PPP3CA: variants seen among roughly 807,000 people sequenced by gnomAD.
PPP3CA encodes CAM-PRP catalytic subunit.
Under a neutral mutation model 66.5 loss-of-function variants are expected in PPP3CA, and 14 were observed. The ratio of observed to expected loss-of-function variants is 0.21; its 90% CI spans 0.14 to 0.33. The LOEUF is 0.33. Ranked by LOEUF, PPP3CA falls within the 10% of genes least tolerant of loss-of-function variation. The pLI, the probability that PPP3CA is intolerant of heterozygous loss-of-function variation, is 1.00. For missense variants in PPP3CA, 317 were observed against 639.5 expected (o/e 0.50, Z 5.44); for synonymous variants, 232 against 226.2 (o/e 1.03, Z -0.23).
rs1385785076 is a variant in PPP3CA at position 101,346,815 on chromosome 4, A to T, written c.-19T>A. 1 of 1,608,242 alleles carries T rather than the reference A, an allele frequency of 6.2e-7. No individual in the cohort carries two copies. Among genetic ancestry groups the T allele is most frequent in the Non-Finnish European group, 8.5e-7 (1 of 1,177,914 alleles). Reference sequence around the variant, plus strand: ...CGGACATCTCCAGCTGCCGGAGGACAGCGACGCGCTGCTCGTCCGTCCGAC... The same window carrying T: ...CGGACATCTCCAGCTGCCGGAGGACTGCGACGCGCTGCTCGTCCGTCCGAC... On this transcript the variant is annotated 5_prime_UTR_variant, in exon 1 of 14. Transcript: ENST00000394854.
At chr4:101,292,542 G>C (rs987748364) in intron 1 of PPP3CA, among the ~76,000 whole-genome samples, 1 of 152,132 alleles carries the variant, frequency 6.6e-6, no homozygotes, top group African/African-American at 2.4e-5. Flanking sequence ...TAGGATCCAA[G>C]GAAATAATTA....
intron 1 of PPP3CA, among the ~76,000 whole-genome samples, chr4:101,218,074 T>C (rs1431054764): frequency 1.3e-5 from 2 of 152,052 alleles, no homozygotes; most frequent in African/African-American, 2.4e-5. Flanking sequence ...ACTACCTGTC[T>C]TGGAAGAGCC....
At chr4:101,289,069 C>T (rs536809297) in intron 1 of PPP3CA, among the ~76,000 whole-genome samples, 104 of 152,244 alleles carry the variant, frequency 6.8e-4, no homozygotes, top group Non-Finnish European at 1.1e-3. Context: ...AAAAATGACA[C>T]TGGTCTGCTA....
chr4:101,346,216 G>A lies in PPP3CA; in HGVS notation c.58+523C>T, dbSNP rs576052900. Among the ~76,000 whole-genome samples, 13 of 152,088 alleles carry A rather than the reference G, an allele frequency of 8.5e-5. No homozygotes were observed. In the East Asian group the frequency reaches 1.6e-3, roughly 18 times the overall value. On this transcript the variant is annotated intron_variant, in intron 1 of 13. Coordinates refer to ENST00000394854, the MANE Select transcript of PPP3CA (RefSeq NM_000944.5). ...GGGGGAGGGGGAGGGGGGCGCGGAG[G>A]GAATTGCTGCAATGGAGCTCCAAGA...
intron 2 of PPP3CA, among the ~76,000 whole-genome samples, chr4:101,184,319 T>A (rs1724338091): frequency 6.6e-6 from 1 of 152,162 alleles, no homozygotes; most frequent in South Asian, 2.1e-4. Flanking sequence ...CAGAATCAGT[T>A]CCCTGCACTT....
chr4:101,282,066 G>A (rs943607377), intron 1 of PPP3CA, among the ~76,000 whole-genome samples: 12 of 152,142 alleles, frequency 7.9e-5, no homozygotes, highest in Non-Finnish European at 1.8e-4. Flanking sequence ...TCCAGAAAAT[G>A]AGAATATATT....
At chr4:101,306,288 T>C (rs1003423478) in intron 1 of PPP3CA, among the ~76,000 whole-genome samples, 4 of 152,102 alleles carry the variant, frequency 2.6e-5, no homozygotes, top group Admixed American at 2.6e-4. Context: ...CTTGAATTAG[T>C]AGCCAACTTT....
chr4:101,089,678 T>G (rs1376391039), intron 6 of PPP3CA, among the ~76,000 whole-genome samples: 1 of 152,190 alleles, frequency 6.6e-6, no homozygotes, highest in Non-Finnish European at 1.5e-5. Context: ...TGAAAATTTG[T>G]CATGATCCTC....
chr4:101,179,714 A>T (rs1724175689), intron 2 of PPP3CA, among the ~76,000 whole-genome samples: 1 of 152,174 alleles, frequency 6.6e-6, no homozygotes. Flanking sequence ...TAAATACTTA[A>T]TAAATACAAA....
rs575978497 is a variant in PPP3CA, at chr4:101,056,394, T to C, written c.1156+4693A>G. On this transcript the variant is annotated intron_variant, in intron 10 of 13. Transcript: ENST00000394854. ...TGCTGTCACTAACATCATCATTAAA[T>C]AGTAAACAGGAGTTGACAGATTCTG... 2.6e-5 allele frequency among the ~76,000 whole-genome samples: 4 copies of C among 152,290 alleles called. No individual in the cohort carries two copies. The East Asian group carries it at 7.7e-4, about 29-fold the overall frequency.
chr4:101,284,669 T>C lies in PPP3CA; in HGVS notation c.58+62070A>G, dbSNP rs551688808. On this transcript the variant is annotated intron_variant, in intron 1 of 13. Transcript: ENST00000394854. ...TCCCCACCCCCATGTCTTTTTTTTT[T>C]CCCCTTATTTATTTTGTAAGGTGCA... 2.3e-3 allele frequency among the ~76,000 whole-genome samples: 348 copies of C among 152,142 alleles called. 5 individuals are homozygous for C. The Middle Eastern group carries it at 0.024, about 10-fold the overall frequency.
At chr4:101,098,324 G>A in intron 5 of PPP3CA, 43 bp downstream of exon 5, 1 of 1,542,802 alleles carries the variant, frequency 6.5e-7, no homozygotes, top group Non-Finnish European at 8.7e-7. Context: ...ATTTATTACT[G>A]TAGCGCACAA....
At chr4:101,279,281 G>T (rs1001088121) in intron 1 of PPP3CA, among the ~76,000 whole-genome samples, 8 of 152,166 alleles carry the variant, frequency 5.3e-5, no homozygotes, top group Admixed American at 3.9e-4. Context: ...GTAACAGTAA[G>T]GCAGAGGTTC....
chr4:101,325,659 C>T (rs1474917214), intron 1 of PPP3CA, among the ~76,000 whole-genome samples: 8 of 152,008 alleles, frequency 5.3e-5, no homozygotes, highest in South Asian at 2.1e-4. Flanking sequence ...TGGCAAATGA[C>T]GGCTAACCAT....
intron 2 of PPP3CA, among the ~76,000 whole-genome samples, chr4:101,159,467 T>A (rs1347414362): frequency 6.6e-6 from 1 of 152,146 alleles, no homozygotes; most frequent in Non-Finnish European, 1.5e-5. Flanking sequence ...ACCAGGGATT[T>A]TACAGTAACC....
At chr4:101,177,983 A>G (rs767829412) in intron 2 of PPP3CA, among the ~76,000 whole-genome samples, 1 of 152,150 alleles carries the variant, frequency 6.6e-6, no homozygotes, top group Non-Finnish European at 1.5e-5. Flanking sequence ...ACATAGATCA[A>G]TTTTAGTGGT....
intron 7 of PPP3CA, among the ~76,000 whole-genome samples, chr4:101,082,138 T>G (rs1729468751): frequency 6.6e-6 from 1 of 152,198 alleles, no homozygotes; most frequent in South Asian, 2.1e-4. Context: ...AATAGCATAG[T>G]GACACCATAG....
intron 1 of PPP3CA, among the ~76,000 whole-genome samples, chr4:101,212,420 C>T (rs955656333): frequency 1.3e-5 from 2 of 152,080 alleles, no homozygotes; most frequent in African/African-American, 4.8e-5. Flanking sequence ...GATGAGAACA[C>T]ATGGTTAAAT....
chr4:101,064,370 A>ATTTTCCC (rs1728595348), intron 8 of PPP3CA, among the ~76,000 whole-genome samples: 1 of 151,906 alleles, frequency 6.6e-6, no homozygotes, highest in Non-Finnish European at 1.5e-5. Context: ...CTGCTTCTGA[A>ATTTTCCC]TGACAGCCTT....
Sources: allele counts gnomAD v4.1 joint callset (sites outside exome capture counted in the v4.1 genomes callset), GRCh38; gene constraint gnomAD v4.1.1; transcripts MANE v1.5; gene names NCBI Gene and HGNC (gene_info 2026-07-23, HGNC 2026-07-21).